Variants in MAP7D2 observed in about 807,000 individuals in gnomAD.
MAP7D2 encodes MAP7 domain containing 2.
MAP7D2 carries 33 observed loss-of-function variants against 63.5 expected under a neutral mutation model. The ratio of observed to expected loss-of-function variants is 0.52; its 90% CI spans 0.39 to 0.70. MAP7D2 has a LOEUF of 0.70. Ranked by LOEUF, MAP7D2 falls within the 30% of genes least tolerant of loss-of-function variation. MAP7D2 has a pLI of 0.00. For synonymous variants in MAP7D2, 224 were observed against 223.7 expected (o/e 1.00, Z -0.01); for missense variants, 626 against 604.0 (o/e 1.04, Z -0.38).
At chrX:20,060,454 GAAA>G (rs2065189835) in intron 3 of MAP7D2, among the ~76,000 whole-genome samples, 1 of 106,900 alleles carries the variant, frequency 9.4e-6, no homozygotes, top group African/African-American at 3.4e-5. Context: ...AAGAAAGAAA[GAAA>G]GAAAGAAAGA....
intron 5 of MAP7D2, among the ~76,000 whole-genome samples, chrX:20,051,648 T>C (rs1317326843): frequency 2.7e-5 from 3 of 112,139 alleles, no homozygotes; most frequent in African/African-American, 9.7e-5. Flanking sequence ...TTTTAGGTCC[T>C]GCGCTAAGAA....
At chrX:20,107,057 T>C (rs1321513392) in intron 1 of MAP7D2, among the ~76,000 whole-genome samples, 2 of 109,514 alleles carry the variant, frequency 1.8e-5, no homozygotes, top group African/African-American at 6.7e-5. Context: ...GCAAGGGCGG[T>C]AGGCTCGGGG....
At chrX:20,094,487 C>CATAT (rs1216874865) in intron 1 of MAP7D2, among the ~76,000 whole-genome samples, 6 of 15,094 alleles carry the variant, frequency 4.0e-4, no homozygotes, top group Non-Finnish European at 6.3e-4. Context: ...AAAATACATA[C>CATAT]ATATATATAT....
chrX:20,034,854 G>C (rs1332006787), intron 8 of MAP7D2, among the ~76,000 whole-genome samples: 2 of 111,479 alleles, frequency 1.8e-5, no homozygotes, highest in Non-Finnish European at 3.8e-5. Flanking sequence ...AATCAAGACA[G>C]TTCCCAACCT....
intron 10 of MAP7D2, among the ~76,000 whole-genome samples, chrX:20,022,263 T>C (rs2073679504): frequency 9.0e-6 from 1 of 111,381 alleles, no homozygotes. Flanking sequence ...TCAGGGAGCT[T>C]TGCACACTGG....
At position 20,067,646 on chromosome X, in the gene MAP7D2, A is replaced by AT. The variant is rs201159020; in HGVS notation, c.131-2842dup. On this transcript the variant is annotated intron_variant, in intron 1 of 16. Coordinates refer to ENST00000379643, the MANE Select transcript of MAP7D2 (RefSeq NM_001168465.2). ...CAGGACCCACTTTAAAAACCATTAA[A>AT]TTTTTTTTTCCTAATCTCTCACATC... 1.8e-3 allele frequency among the ~76,000 whole-genome samples: 197 copies of AT among 110,484 alleles called. 3 individuals carry two copies. The East Asian group carries it at 0.045, about 25-fold the overall frequency.
intron 1 of MAP7D2, among the ~76,000 whole-genome samples, chrX:20,091,747 G>C (rs1052141643): frequency 9.0e-6 from 1 of 111,403 alleles, no homozygotes; most frequent in Non-Finnish European, 1.9e-5. Context: ...CCAGCAATAC[G>C]GAGATGTAAT....
At chrX:20,085,409 C>G (rs947456540) in intron 1 of MAP7D2, among the ~76,000 whole-genome samples, 13 of 112,190 alleles carry the variant, frequency 1.2e-4, no homozygotes, top group African/African-American at 4.2e-4. Flanking sequence ...CCTACAGGCA[C>G]GTTTTTACCA....
intron 10 of MAP7D2, among the ~76,000 whole-genome samples, chrX:20,017,458 C>T (rs1357277163): frequency 8.9e-6 from 1 of 112,375 alleles, no homozygotes; most frequent in African/African-American, 3.2e-5. Flanking sequence ...AAAAGAGCAT[C>T]CATCCATCCT....
At chrX:20,027,608 G>A (rs767089657) in intron 8 of MAP7D2, among the ~76,000 whole-genome samples, 1 of 110,289 alleles carries the variant, frequency 9.1e-6, no homozygotes, top group South Asian at 3.9e-4. Context: ...AATGCCTTCA[G>A]ACATTGCTAA....
At chrX:20,063,248 C>T (rs2065266051) in intron 3 of MAP7D2, among the ~76,000 whole-genome samples, 166 bp downstream of exon 3, 1 of 112,075 alleles carries the variant, frequency 8.9e-6, no homozygotes, top group Non-Finnish European at 1.9e-5. Flanking sequence ...TATGTCAGTG[C>T]TGCTTCGAGT....
At chrX:20,076,794 C>A (rs1052939928) in intron 1 of MAP7D2, among the ~76,000 whole-genome samples, 3 of 112,193 alleles carry the variant, frequency 2.7e-5, no homozygotes, top group Non-Finnish European at 3.8e-5. Flanking sequence ...ATATACAAAT[C>A]TACGCCGTTA....
At chrX:20,062,641 T>C (rs1293676447) in intron 3 of MAP7D2, among the ~76,000 whole-genome samples, 1 of 111,865 alleles carries the variant, frequency 8.9e-6, no homozygotes, top group Non-Finnish European at 1.9e-5. Flanking sequence ...TTATACCTTA[T>C]GAATAAAAAA....
Position 20,116,883 on chromosome X carries a change from G to A in MAP7D2, c.-4C>T, listed in dbSNP as rs1452683549. ...AGCCGCCGCCGCCGCGCTCCATCGG[G>A]ATGCGCCGGCCGCACAGGCGCACTG... On this transcript the variant is annotated 5_prime_UTR_variant, in exon 1 of 17. Coordinates refer to ENST00000379643, the MANE Select transcript of MAP7D2 (RefSeq NM_001168465.2). The A allele has an allele frequency of 1.8e-6, 2 of 1,113,958 alleles. No individual in the cohort carries two copies. The highest frequency in any genetic ancestry group is 2.4e-6 in the Non-Finnish European group (2 of 848,628). The allele number at this position is 1,113,958 out of a possible 1,213,427, so 91.8% of individuals were successfully genotyped here.
chrX:20,045,247 G>T (rs1415599985), intron 6 of MAP7D2, among the ~76,000 whole-genome samples: 2 of 111,201 alleles, frequency 1.8e-5, no homozygotes, highest in East Asian at 5.6e-4. Context: ...CCATTTGCTA[G>T]TTTTTTCATG....
intron 1 of MAP7D2, among the ~76,000 whole-genome samples, chrX:20,084,545 T>TTCCCTCCCTCCCCCCC (rs2065859418): frequency 3.6e-5 from 2 of 55,397 alleles, no homozygotes; most frequent in Non-Finnish European, 6.5e-5. Context: ...TTCCTTCCTG[T>TTCCCTCCCTCCCCCCC]TCCCTCCCTC....
chrX:20,073,256 T>C (rs2065552750), intron 1 of MAP7D2, among the ~76,000 whole-genome samples: 2 of 112,042 alleles, frequency 1.8e-5, no homozygotes, highest in African/African-American at 6.5e-5. Flanking sequence ...AAAAATCATA[T>C]ATATTTCTAT....
At chrX:20,048,915 C>T (rs944926938) in intron 6 of MAP7D2, among the ~76,000 whole-genome samples, 5 of 109,957 alleles carry the variant, frequency 4.5e-5, no homozygotes, top group African/African-American at 1.7e-4. Flanking sequence ...GAGCAAGACC[C>T]TGTCTTTAAA....
chrX:20,091,095 C>T (rs1350753065), intron 1 of MAP7D2, among the ~76,000 whole-genome samples: 2 of 105,115 alleles, frequency 1.9e-5, no homozygotes, highest in East Asian at 6.1e-4. Flanking sequence ...TCTTGTTGCC[C>T]AGGCTGGAGT....
Sources: gnomAD v4.1 joint callset for allele counts (sites outside exome capture counted in the v4.1 genomes callset) on GRCh38, gnomAD v4.1.1 for gene constraint, MANE v1.5 for transcripts, NCBI Gene and HGNC (gene_info 2026-07-23, HGNC 2026-07-21) for gene names.